The following SCML2 variants were observed in gnomAD, a reference collection of about 807,000 sequenced individuals.
SCML2 encodes Scm polycomb group protein like 2.
In SCML2, 6 loss-of-function variants were observed where a neutral mutation model predicts 48.4. That is an observed-to-expected ratio of 0.12 (90% CI 0.07 to 0.24). The LOEUF (loss-of-function observed/expected upper bound fraction) is 0.24. Ranked by LOEUF, SCML2 falls within the 10% of genes least tolerant of loss-of-function variation. The pLI is 1.00. For synonymous variants in SCML2, 181 were observed against 189.5 expected, an observed-to-expected ratio of 0.95 and a Z score of 0.37; for missense variants, 377 against 528.2, an observed-to-expected ratio of 0.71 and a Z score of 2.81.
intron 8 of SCML2, among the ~76,000 whole-genome samples, chrX:18,265,135 A>G (rs1333969340): frequency 8.9e-6 from 1 of 111,878 alleles, no homozygotes; most frequent in Non-Finnish European, 1.9e-5. Context: ...GTCTGCTTCC[A>G]TTCACTCTTC....
At chrX:18,317,548 A>G (rs1045590036) in intron 6 of SCML2, among the ~76,000 whole-genome samples, 2 of 111,032 alleles carry the variant, frequency 1.8e-5, no homozygotes, top group African/African-American at 6.5e-5. Context: ...AAATGTAAAG[A>G]AAGGCCGGGC....
At chrX:18,281,875 G>A (rs985771206) in intron 7 of SCML2, among the ~76,000 whole-genome samples, 10 of 111,385 alleles carry the variant, frequency 9.0e-5, no homozygotes, top group African/African-American at 3.3e-4. Context: ...TGTAATCCCA[G>A]CACTTTGGGA....
chrX:18,301,154 T>C (rs1436260129), intron 7 of SCML2, among the ~76,000 whole-genome samples: 1 of 111,620 alleles, frequency 9.0e-6, no homozygotes, highest in African/African-American at 3.3e-5. Context: ...TCCTAGCACG[T>C]TGGGAGGCCG....
intron 7 of SCML2, among the ~76,000 whole-genome samples, chrX:18,277,926 G>A (rs1380821727): frequency 9.0e-6 from 1 of 110,518 alleles, no homozygotes; most frequent in African/African-American, 3.3e-5. Flanking sequence ...CAGCACTTTG[G>A]GAAGCCGAGG....
Position 18,241,356 on chromosome X carries a change from G to C in SCML2, c.1998C>G (p.Phe666Leu), listed in dbSNP as rs745937223. 8.6e-7 allele frequency: 1 copy of C among 1,163,950 alleles called. No homozygotes were observed. Among genetic ancestry groups the C allele is most frequent in the Non-Finnish European group, 1.1e-6 (1 of 871,333 alleles). The stretch of plus-strand genomic sequence containing the variant: ...TCATCATCACATCACTCTTGAGTAG[G>C]AACAGAGCCTTCCCATCAATTTCCT... ...RQHEIDGKAL[F>L]LLKSDVMMKY... The change falls in exon 15 of 15, where the codon TTC (phenylalanine) becomes TTG (leucine). Residue 666 changes from phenylalanine (F) to leucine (L), a missense_variant. Phe to Leu is a conservative substitution (Grantham distance 22). Transcript: ENST00000251900.
intron 1 of SCML2, among the ~76,000 whole-genome samples, chrX:18,353,022 A>G (rs1193451221): frequency 1.8e-5 from 2 of 110,647 alleles, no homozygotes; most frequent in Non-Finnish European, 3.8e-5. Flanking sequence ...TAAAGGTTAT[A>G]GATAAAGCTA....
At chrX:18,308,283 CAGGAAGGA>C (rs1044385323) in intron 6 of SCML2, among the ~76,000 whole-genome samples, 1 of 69,636 alleles carries the variant, frequency 1.4e-5, no homozygotes, top group African/African-American at 5.5e-5. Context: ...CAAAAAAAAA[CAGGAAGGA>C]AGGAAGGGAG....
chrX:18,262,423 C>T (rs1454003473), intron 8 of SCML2, among the ~76,000 whole-genome samples: 1 of 102,579 alleles, frequency 9.7e-6, no homozygotes, highest in African/African-American at 3.9e-5. Context: ...TCACTGCAAC[C>T]TCCACCTCCT....
At chrX:18,291,285 A>G (rs1407340845) in intron 7 of SCML2, among the ~76,000 whole-genome samples, 2 of 111,565 alleles carry the variant, frequency 1.8e-5, no homozygotes, top group Non-Finnish European at 3.8e-5. Flanking sequence ...TAGGGTCATA[A>G]CAAGAGCTAA....
intron 7 of SCML2, 51 bp from the exon 8 acceptor site, chrX:18,265,853 T>C: frequency 1.1e-6 from 1 of 921,269 alleles, no homozygotes; most frequent in South Asian, 2.3e-5. Flanking sequence ...AATTAAGGCA[T>C]TGTCTCCTCA....
chrX:18,354,555 C>T (rs1366777889), intron 1 of SCML2, 37 bp downstream of exon 1: 4 of 263,935 alleles, frequency 1.5e-5, no homozygotes, highest in Middle Eastern at 1.0e-3. Flanking sequence ...ACACCTCCGC[C>T]TCTCCATTCC....
intron 3 of SCML2, among the ~76,000 whole-genome samples, chrX:18,328,734 T>C (rs959749933): frequency 8.9e-6 from 1 of 111,732 alleles, no homozygotes; most frequent in Non-Finnish European, 1.9e-5. Context: ...TGGATTCCCA[T>C]AGCAGGTCAT....
At chrX:18,345,842 C>G (rs371003492) in intron 1 of SCML2, among the ~76,000 whole-genome samples, 2 of 109,715 alleles carry the variant, frequency 1.8e-5, no homozygotes, top group Non-Finnish European at 3.8e-5. Flanking sequence ...CAGCACACCC[C>G]CTGCACACCC....
chrX:18,270,531 C>T (rs1318851949), intron 7 of SCML2, among the ~76,000 whole-genome samples: 1 of 110,815 alleles, frequency 9.0e-6, no homozygotes, highest in Admixed American at 9.7e-5. Flanking sequence ...CCACCTCAGC[C>T]TCCTAAGGAC....
chrX:18,342,232 T>TA (rs374090092), intron 1 of SCML2, among the ~76,000 whole-genome samples: 29 of 111,964 alleles, frequency 2.6e-4, no homozygotes, highest in Admixed American at 1.2e-3. Context: ...TAAAAAAAGT[T>TA]AAAAGCTTCA....
chrX:18,337,398 C>G, intron 1 of SCML2, among the ~76,000 whole-genome samples: 1 of 45,300 alleles, frequency 2.2e-5, no homozygotes, highest in South Asian at 1.3e-3. Flanking sequence ...CACATATAAA[C>G]TACAAGTAAA....
At chrX:18,265,304 C>T (rs1266287300) in intron 8 of SCML2, among the ~76,000 whole-genome samples, 1 of 112,366 alleles carries the variant, frequency 8.9e-6, no homozygotes, top group Admixed American at 9.4e-5. Context: ...TTAAAGTATA[C>T]TGAGTTTCAA....
chrX:18,338,844 G>A (rs957119010), intron 1 of SCML2, among the ~76,000 whole-genome samples: 1 of 107,422 alleles, frequency 9.3e-6, no homozygotes, highest in Non-Finnish European at 1.9e-5. Flanking sequence ...AGCCTGGGAA[G>A]TCGAGGCTGC....
intron 7 of SCML2, among the ~76,000 whole-genome samples, chrX:18,274,395 C>A (rs1207002776): frequency 8.9e-6 from 1 of 112,468 alleles, no homozygotes; most frequent in Non-Finnish European, 1.9e-5. Context: ...AGTTCCCACC[C>A]ATGAAGGGGT....
Sources: gnomAD v4.1 joint callset for allele counts (sites outside exome capture counted in the v4.1 genomes callset) on GRCh38, gnomAD v4.1.1 for gene constraint, MANE v1.5 for transcripts, NCBI Gene and HGNC (gene_info 2026-07-23, HGNC 2026-07-21) for gene names.